CDH12: variants seen among roughly 807,000 people sequenced by gnomAD.
The protein encoded by CDH12 is cadherin-12.
In CDH12, 41 loss-of-function variants were observed where a neutral mutation model predicts 74.1. The ratio of observed to expected loss-of-function variants is 0.55; its 90% confidence interval spans 0.43 to 0.72. CDH12 has a LOEUF of 0.72. Among genes scored for constraint, CDH12 ranks in the 30% least tolerant of loss-of-function variants. The pLI, the probability that CDH12 is intolerant of heterozygous loss-of-function variation, is 0.00. For missense variants in CDH12, 945 were observed against 977.2 expected (o/e 0.97, Z 0.44); for synonymous variants, 399 against 355.0 (o/e 1.12, Z -1.39).
intron 11 of CDH12, among the ~76,000 whole-genome samples, chr5:21,776,414 A>G (rs1282516734): frequency 6.6e-6 from 1 of 152,158 alleles, no homozygotes; most frequent in African/African-American, 2.4e-5. Flanking sequence ...TACCTCATAC[A>G]TAAAGAGTAG....
chr5:21,860,762 G>A (rs1012696440), intron 6 of CDH12, among the ~76,000 whole-genome samples: 1 of 151,928 alleles, frequency 6.6e-6, no homozygotes, highest in Non-Finnish European at 1.5e-5. Context: ...TACACCTGTG[G>A]TTTGTCAGGG....
At chr5:22,264,429 T>C (rs1753633730) in intron 3 of CDH12, among the ~76,000 whole-genome samples, 1 of 152,228 alleles carries the variant, frequency 6.6e-6, no homozygotes, top group South Asian at 2.1e-4. Flanking sequence ...TTATTCATTC[T>C]ATATTATTTT....
At chr5:21,851,858 A>T (rs1026675806) in intron 7 of CDH12, among the ~76,000 whole-genome samples, 2 of 151,382 alleles carry the variant, frequency 1.3e-5, no homozygotes, top group African/African-American at 4.8e-5. Context: ...TTATTTTCTC[A>T]TTTCAAATGA....
At chr5:22,743,302 ATATATG>A (rs1042748232) in intron 1 of CDH12, among the ~76,000 whole-genome samples, 6 of 148,152 alleles carry the variant, frequency 4.0e-5, no homozygotes, top group African/African-American at 1.5e-4. Flanking sequence ...GTATATGTAT[ATATATG>A]TATATGTATA....
chr5:22,266,303 C>A (rs1425600477), intron 3 of CDH12, among the ~76,000 whole-genome samples: 1 of 151,840 alleles, frequency 6.6e-6, no homozygotes, highest in African/African-American at 2.4e-5. Context: ...CTTGAACTGA[C>A]CTCAGGTAAT....
chr5:22,358,119 T>C (rs1007126902), intron 3 of CDH12, among the ~76,000 whole-genome samples: 1 of 152,120 alleles, frequency 6.6e-6, no homozygotes, highest in African/African-American at 2.4e-5. Context: ...TAAAGAATAC[T>C]AATGGCAGGT....
intron 5 of CDH12, among the ~76,000 whole-genome samples, chr5:22,062,080 T>G (rs1741227489): frequency 6.6e-6 from 1 of 152,148 alleles, no homozygotes. Flanking sequence ...ATAAACACAG[T>G]GCTCAAATCT....
intron 2 of CDH12, among the ~76,000 whole-genome samples, chr5:22,486,234 A>T (rs879476180): frequency 4.6e-5 from 7 of 152,104 alleles, no homozygotes; most frequent in Non-Finnish European, 8.8e-5. Flanking sequence ...AGAAATTGTC[A>T]CCTTTCCTAT....
chr5:22,279,874 T>A (rs1736800791), intron 3 of CDH12, among the ~76,000 whole-genome samples: 1 of 152,276 alleles, frequency 6.6e-6, no homozygotes, highest in South Asian at 2.1e-4. Context: ...TGATTTATAT[T>A]CCTTTGGGTA....
chr5:22,405,381 G>C, intron 2 of CDH12, 30 bp from the exon 3 acceptor site: 1 of 552,052 alleles, frequency 1.8e-6, no homozygotes, highest in Non-Finnish European at 2.3e-6. Context: ...AATGCTTTAA[G>C]AATATGCAAG....
At chr5:22,069,069 C>T (rs1326368133) in intron 5 of CDH12, among the ~76,000 whole-genome samples, 3 of 152,164 alleles carry the variant, frequency 2.0e-5, no homozygotes, top group Non-Finnish European at 4.4e-5. Context: ...ACTCTGGATG[C>T]AGATTTTCCT....
chr5:22,373,182 C>T (rs1445256233), intron 3 of CDH12, among the ~76,000 whole-genome samples: 1 of 152,180 alleles, frequency 6.6e-6, no homozygotes, highest in Non-Finnish European at 1.5e-5. Flanking sequence ...TCCTCCAGCC[C>T]AGTCCACCTC....
At chr5:22,258,517 A>G (rs1182974366) in intron 3 of CDH12, among the ~76,000 whole-genome samples, 1 of 151,982 alleles carries the variant, frequency 6.6e-6, no homozygotes, top group Non-Finnish European at 1.5e-5. Context: ...GAAACTGTTC[A>G]AATGCTCTGT....
chr5:22,013,536 G>A (rs1737418460), intron 5 of CDH12, among the ~76,000 whole-genome samples: 1 of 152,130 alleles, frequency 6.6e-6, no homozygotes, highest in African/African-American at 2.4e-5. Flanking sequence ...GTGGAATGTA[G>A]ATTTCTCTAA....
chr5:22,100,313 T>C (rs1054685025), intron 4 of CDH12, among the ~76,000 whole-genome samples: 5 of 152,138 alleles, frequency 3.3e-5, no homozygotes, highest in Non-Finnish European at 7.3e-5. Flanking sequence ...TAGTGAGAGA[T>C]ATATTGAGGA....
At chr5:22,273,464 A>T (rs1418775531) in intron 3 of CDH12, among the ~76,000 whole-genome samples, 1 of 152,184 alleles carries the variant, frequency 6.6e-6, no homozygotes, top group Non-Finnish European at 1.5e-5. Context: ...CACACTTATA[A>T]TTCTGGAATT....
chr5:22,253,656 G>C (rs945759736), intron 3 of CDH12, among the ~76,000 whole-genome samples: 1 of 151,560 alleles, frequency 6.6e-6, no homozygotes, highest in African/African-American at 2.4e-5. Context: ...TTTCAATCTA[G>C]CTCCTAAATT....
intron 2 of CDH12, among the ~76,000 whole-genome samples, chr5:22,446,998 A>C (rs557487662): frequency 6.6e-6 from 1 of 152,226 alleles, no homozygotes; most frequent in East Asian, 1.9e-4. Context: ...TAACACTAAC[A>C]GCAAACTTAA....
intron 10 of CDH12, among the ~76,000 whole-genome samples, chr5:21,801,907 G>A (rs1299719747): frequency 1.3e-5 from 2 of 152,074 alleles, no homozygotes; most frequent in Non-Finnish European, 2.9e-5. Context: ...GTTGAGATTT[G>A]TTACCTTGAG....
Sources: allele counts gnomAD v4.1 joint callset (sites outside exome capture counted in the v4.1 genomes callset), GRCh38; gene constraint gnomAD v4.1.1; transcripts MANE v1.5; gene names NCBI Gene and HGNC (gene_info 2026-07-23, HGNC 2026-07-21).